Variants in MOG observed in about 807,000 individuals in gnomAD.
The protein encoded by MOG is myelin-oligodendrocyte glycoprotein.
Under a neutral mutation model 35.9 loss-of-function variants are expected in MOG, and 20 were observed. The ratio of observed to expected loss-of-function variants is 0.56; its 90% CI spans 0.39 to 0.81. The LOEUF is 0.81. Ranked by LOEUF, MOG falls within the 30% of genes least tolerant of loss-of-function variation. MOG has a pLI of 0.00. For synonymous variants in MOG, 92 were observed against 114.3 expected (o/e 0.80, Z 1.25); for missense variants, 251 against 301.0 (o/e 0.83, Z 1.23).
intron 3 of MOG, among the ~76,000 whole-genome samples, chr6:29,666,896 T>C (rs940990925): frequency 1.3e-5 from 2 of 152,126 alleles, no homozygotes; most frequent in African/African-American, 4.8e-5. Context: ...CATTTGTTAC[T>C]AAGAGGAGAG....
chr6:29,663,842 C>T, intron 2 of MOG: 1 of 507,662 alleles, frequency 2.0e-6, no homozygotes, highest in Non-Finnish European at 2.5e-6. Flanking sequence ...CTAGGGAACA[C>T]AATGATAGAC....
At chr6:29,659,004 C>T (rs1172402381) in intron 1 of MOG, among the ~76,000 whole-genome samples, 2 of 151,934 alleles carry the variant, frequency 1.3e-5, no homozygotes, top group African/African-American at 2.4e-5. Context: ...GCCAGCTACT[C>T]GGGAGGCTGA....
At chr6:29,667,597 G>A (rs1001354065) in intron 3 of MOG, 46 bp from the exon 4 acceptor site, 2 of 1,613,042 alleles carry the variant, frequency 1.2e-6, no homozygotes, top group Non-Finnish European at 1.7e-6. Context: ...TCCCCACCGA[G>A]AGCCAGAACA....
At chr6:29,660,161 G>A (rs1340455733) in intron 2 of MOG, among the ~76,000 whole-genome samples, 5 of 151,774 alleles carry the variant, frequency 3.3e-5, no homozygotes, top group African/African-American at 7.3e-5. Context: ...ACTCCAACCC[G>A]GGTGACAGAG....
At chr6:29,668,638 C>T (rs773756539) in intron 5 of MOG, among the ~76,000 whole-genome samples, 31 of 152,192 alleles carry the variant, frequency 2.0e-4, no homozygotes, top group Admixed American at 1.9e-3. Flanking sequence ...AGAGTTCTAT[C>T]GTACGATTTA....
chr6:29,669,995 T>C, intron 5 of MOG: 1 of 681,484 alleles, frequency 1.5e-6, no homozygotes, highest in Non-Finnish European at 2.7e-6. Flanking sequence ...GGTCTTGAAC[T>C]CTTGGCCTCA....
intron 2 of MOG, among the ~76,000 whole-genome samples, chr6:29,665,457 C>T (rs1465009445): frequency 6.6e-6 from 1 of 151,804 alleles, no homozygotes; most frequent in South Asian, 2.1e-4. Context: ...TGTGGTGTAT[C>T]GCCTACAAGC....
chr6:29,669,377 A>G lies in MOG; in HGVS notation c.593-904A>G, dbSNP rs375032088. ...ACAATCTCGGCTCACTGCAACCTCC[A>G]CCTCCTGGGTTCAAGCGATTCTCCT... On this transcript the variant is annotated intron_variant, in intron 5 of 7. Coordinates refer to ENST00000376917, the MANE Select transcript of MOG (RefSeq NM_206809.4). Among the ~76,000 whole-genome samples the G allele has an allele frequency of 2.2e-3, 329 of 151,146 alleles. 6 individuals carry two copies. Among genetic ancestry groups the G allele is most frequent in the Middle Eastern group, 0.014 (4 of 288 alleles).
In MOG at chr6:29,659,481, A is replaced by C; in HGVS notation, c.251A>C (p.Lys84Thr). 6.2e-7 allele frequency: 1 copy of C among 1,613,094 alleles called. No individual in the cohort carries two copies. The highest frequency in any genetic ancestry group is 2.2e-5 in the East Asian group (1 of 44,878). Residue 84 changes from lysine (K) to threonine (T), a missense_variant, in exon 2 of 8, where the codon AAG (lysine) becomes ACG (threonine). Transcript: ENST00000376917. ...GTGGTTCATCTCTACAGAAATGGCAAGGACCAAGATGGAGACCAGGCACCT... is the reference window on the plus strand; with the variant it reads ...GTGGTTCATCTCTACAGAAATGGCACGGACCAAGATGGAGACCAGGCACCT... ...SRVVHLYRNG[K>T]DQDGDQAPEY...
In MOG at chr6:29,667,460, A is replaced by T. The variant is rs567670630; in HGVS notation, c.551-183A>T. Among the ~76,000 whole-genome samples the T allele has an allele frequency of 8.5e-5, 13 of 152,112 alleles. No individual in the cohort carries two copies. In the East Asian group the frequency reaches 2.5e-3, roughly 30 times the overall value. On this transcript the variant is annotated intron_variant, in intron 3 of 7. Transcript: ENST00000376917. ...ATTCTTTATTCGCTATTGTATCTAG[A>T]CTATAGCTAGAGAAAGAGCCGCAAC...
chr6:29,657,914 A>C (rs1583075988), intron 1 of MOG, among the ~76,000 whole-genome samples: 1 of 152,028 alleles, frequency 6.6e-6, no homozygotes, highest in Non-Finnish European at 1.5e-5. Flanking sequence ...CAAAGTGCTG[A>C]GATTACAGGC....
intron 3 of MOG, among the ~76,000 whole-genome samples, chr6:29,667,360 C>G (rs1770438131): frequency 6.6e-6 from 1 of 152,170 alleles, no homozygotes; most frequent in Non-Finnish European, 1.5e-5. Flanking sequence ...GCTCTGTGAA[C>G]TGAGAATCCA....
At chr6:29,661,847 A>G (rs865864849) in intron 2 of MOG, 15 of 984,278 alleles carry the variant, frequency 1.5e-5, no homozygotes, top group Non-Finnish European at 1.8e-5. Context: ...AACAAGGAAG[A>G]CAAAAAGAAA....
rs889012193 is a variant in MOG, at chr6:29,665,175, C to G, written c.437-977C>G. On this transcript the variant is annotated intron_variant, in intron 2 of 7. Transcript: ENST00000376917. ...GCAATGGCAAGATCTCGGCTCACCT[C>G]AACCTCCGCCTCCTGGGTTCAAGCG... 2.4e-4 allele frequency among the ~76,000 whole-genome samples: 37 copies of G among 151,816 alleles called. No individual in the cohort carries two copies. The East Asian group carries it at 7.0e-3, about 29-fold the overall frequency.
chr6:29,657,230 C>G lies in MOG; in HGVS notation c.21C>G (p.Pro7=). The change falls in exon 1 of 8, where the codon CCC becomes CCG. Residue 7 remains proline, a synonymous_variant. Coordinates refer to ENST00000376917, the MANE Select transcript of MOG (RefSeq NM_206809.4). MASLSR[P]SLPSCLCSFL... Reference sequence around the variant, plus strand: ...TAGAGATGGCAAGCTTATCAAGACCCTCTCTGCCCAGCTGCCTCTGCTCCT... The same window carrying G: ...TAGAGATGGCAAGCTTATCAAGACCGTCTCTGCCCAGCTGCCTCTGCTCCT... 4 of 1,611,276 alleles carry G rather than the reference C, an allele frequency of 2.5e-6. No homozygotes were observed. Among genetic ancestry groups the G allele is most frequent in the Non-Finnish European group, 3.4e-6 (4 of 1,179,118 alleles).
chr6:29,672,139 T>A lies in MOG; in HGVS notation c.*954T>A, dbSNP rs1771603825. On this transcript the variant is annotated 3_prime_UTR_variant, in exon 8 of 8. Coordinates refer to ENST00000376917, the MANE Select transcript of MOG (RefSeq NM_206809.4). ...CCATCTCTACTAAAAATACAAACAA[T>A]TAACTGAGCATAGTGGTGGGCACCT... The A allele has an allele frequency of 6.5e-6, 1 of 153,388 alleles. No individual in the cohort carries two copies. The highest frequency in any genetic ancestry group is 1.4e-5 in the Non-Finnish European group (1 of 69,218). 9.5% of individuals were successfully genotyped at this position (153,388 alleles called of 1,614,324 possible). A position where few individuals can be genotyped will look rare whatever the true frequency, so the allele number is the denominator to read the frequency against.
At chr6:29,663,079 C>G (rs1180070655) in intron 2 of MOG, among the ~76,000 whole-genome samples, 1 of 152,148 alleles carries the variant, frequency 6.6e-6, no homozygotes, top group Non-Finnish European at 1.5e-5. Context: ...ACCATCCTAG[C>G]TAACATGGTG....
chr6:29,662,541 T>C lies in MOG; in HGVS notation c.436+2875T>C, dbSNP rs902690718. Among the ~76,000 whole-genome samples the C allele has an allele frequency of 6.6e-6, 1 of 150,420 alleles. No individual in the cohort carries two copies. The highest frequency in any genetic ancestry group is 1.5e-5 in the Non-Finnish European group (1 of 67,788). On this transcript the variant is annotated intron_variant, in intron 2 of 7. Transcript: ENST00000376917. The surrounding 1 kb of genome is among the most constrained non-coding windows in gnomAD (Gnocchi z 4.2). ...ATATTATAATGAGCCTCCAAGTGCC[T>C]ACCACCTTGCTGCAGCACTTGTCAA...
Position 29,671,264 on chromosome 6 carries a change from G to C in MOG, c.*79G>C. ...TCCTTGGGGACATCTCATCCATCAA[G>C]TTGCACACTCACTGGCATCTTTGCT... is the stretch of plus-strand genomic sequence containing the variant. On this transcript the variant is annotated 3_prime_UTR_variant, in exon 8 of 8. Coordinates refer to ENST00000376917, the MANE Select transcript of MOG (RefSeq NM_206809.4). 1 of 1,612,090 alleles carries C rather than the reference G, an allele frequency of 6.2e-7. No homozygotes were observed. Among genetic ancestry groups the C allele is most frequent in the Middle Eastern group, 1.9e-4 (1 of 5,212 alleles).
Sources: allele counts gnomAD v4.1 joint callset (sites outside exome capture counted in the v4.1 genomes callset), GRCh38; gene constraint gnomAD v4.1.1; non-coding constraint Gnocchi (gnomAD v3.1); transcripts MANE v1.5; gene names NCBI Gene and HGNC (gene_info 2026-07-23, HGNC 2026-07-21).